The following SH3GL3 variants were observed in gnomAD, a reference collection of about 807,000 sequenced individuals.
SH3GL3 encodes the protein endophilin-A3.
In SH3GL3, 33 loss-of-function variants were observed where a neutral mutation model predicts 47.7. The observed-to-expected ratio is 0.69, with a 90% confidence interval of 0.52 to 0.92. SH3GL3 has a LOEUF of 0.92. Ranked by LOEUF, SH3GL3 falls within the 40% of genes least tolerant of loss-of-function variation. The pLI is 0.00. For missense variants in SH3GL3, 363 were observed against 417.8 expected (o/e 0.87, Z 1.14); for synonymous variants, 155 against 148.8 (o/e 1.04, Z -0.30).
chr15:83,517,703 CA>C (rs2043043555), intron 1 of SH3GL3, among the ~76,000 whole-genome samples: 1 of 151,940 alleles, frequency 6.6e-6, no homozygotes, highest in African/African-American at 2.4e-5. Flanking sequence ...GGTTTTATGT[CA>C]AAATTATTTA....
chr15:83,610,051 A>C (rs2060621879), intron 8 of SH3GL3, among the ~76,000 whole-genome samples: 1 of 152,356 alleles, frequency 6.6e-6, no homozygotes, highest in Admixed American at 6.5e-5. Context: ...TTATCCCTCA[A>C]GTGCGACAGG....
chr15:83,468,037 A>G (rs1015945024), intron 1 of SH3GL3, among the ~76,000 whole-genome samples: 4 of 152,176 alleles, frequency 2.6e-5, no homozygotes, highest in Non-Finnish European at 4.4e-5. Context: ...TCACCATGTT[A>G]GCCAGGATGG....
chr15:83,603,664 G>A (rs1162332512), intron 8 of SH3GL3, among the ~76,000 whole-genome samples: 2 of 152,134 alleles, frequency 1.3e-5, no homozygotes, highest in Non-Finnish European at 2.9e-5. Flanking sequence ...ATCTTTGCTT[G>A]TAGACTGGGC....
chr15:83,556,041 G>A (rs934141), intron 1 of SH3GL3, among the ~76,000 whole-genome samples: 12,821 of 152,174 alleles, frequency 0.084, 612 homozygotes, highest in East Asian at 0.17. Flanking sequence ...CAGAGCATAG[G>A]GAGTGCATCG....
chr15:83,582,736 T>A (rs1212448320), intron 6 of SH3GL3, among the ~76,000 whole-genome samples: 3 of 152,236 alleles, frequency 2.0e-5, no homozygotes, highest in African/African-American at 7.2e-5. Flanking sequence ...AGGCGTGAGA[T>A]ACCTGAATTC....
intron 1 of SH3GL3, among the ~76,000 whole-genome samples, chr15:83,506,124 T>G (rs2151617977): frequency 6.6e-6 from 1 of 152,302 alleles, no homozygotes; most frequent in South Asian, 2.1e-4. Flanking sequence ...GTCTTTGCCA[T>G]TATAGTTCCT....
At chr15:83,503,705 C>A (rs2042379027) in intron 1 of SH3GL3, among the ~76,000 whole-genome samples, 1 of 152,176 alleles carries the variant, frequency 6.6e-6, no homozygotes, top group Admixed American at 6.5e-5. Context: ...GTGTTCCCAA[C>A]TAGAACAATG....
At chr15:83,546,262 T>A (rs1371286252) in intron 1 of SH3GL3, among the ~76,000 whole-genome samples, 6 of 151,278 alleles carry the variant, frequency 4.0e-5, no homozygotes, top group African/African-American at 7.3e-5. Flanking sequence ...AGACCTCTTT[T>A]TTGCTCTCCT....
At chr15:83,570,843 A>G (rs2045779641) in intron 4 of SH3GL3, among the ~76,000 whole-genome samples, 1 of 152,244 alleles carries the variant, frequency 6.6e-6, no homozygotes, top group Non-Finnish European at 1.5e-5. Context: ...AATGGGGACA[A>G]GATGGCCTAT....
intron 8 of SH3GL3, among the ~76,000 whole-genome samples, chr15:83,595,686 A>G (rs543135562): frequency 1.5e-4 from 22 of 151,568 alleles, no homozygotes; most frequent in African/African-American, 3.9e-4. Flanking sequence ...ATAGAAGGCA[A>G]TTGAGGTTAT....
chr15:83,528,372 T>C (rs1173114029), intron 1 of SH3GL3, among the ~76,000 whole-genome samples: 1 of 152,204 alleles, frequency 6.6e-6, no homozygotes, highest in African/African-American at 2.4e-5. Context: ...TCAGCTGTTA[T>C]TTTGTTGAAT....
chr15:83,484,892 C>A (rs2041525564), intron 1 of SH3GL3, among the ~76,000 whole-genome samples: 1 of 152,174 alleles, frequency 6.6e-6, no homozygotes, highest in African/African-American at 2.4e-5. Context: ...TGGTTGCCTT[C>A]TGTTGCGAAC....
intron 1 of SH3GL3, among the ~76,000 whole-genome samples, chr15:83,456,550 C>G (rs1162725800): frequency 1.3e-5 from 1 of 78,810 alleles, no homozygotes; most frequent in South Asian, 5.5e-4. Flanking sequence ...GCGCAATATT[C>G]CGGTGGGAGT....
chr15:83,540,229 C>CA (rs1248118241), intron 1 of SH3GL3, among the ~76,000 whole-genome samples: 50 of 152,166 alleles, frequency 3.3e-4, no homozygotes, highest in Non-Finnish European at 6.0e-4. Flanking sequence ...CGCATATGGT[C>CA]TATTTTGGTA....
intron 1 of SH3GL3, among the ~76,000 whole-genome samples, chr15:83,514,129 G>T (rs1319664112): frequency 6.6e-6 from 1 of 152,182 alleles, no homozygotes; most frequent in Non-Finnish European, 1.5e-5. Flanking sequence ...AGTGCCTAGA[G>T]TTTGGCATAA....
intron 1 of SH3GL3, among the ~76,000 whole-genome samples, chr15:83,491,657 A>G (rs1023411841): frequency 6.6e-6 from 1 of 152,208 alleles, no homozygotes; most frequent in Non-Finnish European, 1.5e-5. Flanking sequence ...GAGTGGAAGA[A>G]TCGATGCCAT....
At chr15:83,485,198 C>T (rs2041539778) in intron 1 of SH3GL3, among the ~76,000 whole-genome samples, 1 of 152,160 alleles carries the variant, frequency 6.6e-6, no homozygotes, top group Non-Finnish European at 1.5e-5. Context: ...CTGTTTTCAA[C>T]TGAGGAAAGT....
intron 1 of SH3GL3, among the ~76,000 whole-genome samples, chr15:83,497,584 G>A (rs1596111335): frequency 1.3e-5 from 2 of 152,248 alleles, no homozygotes; most frequent in South Asian, 2.1e-4. Context: ...AATTAAGCAA[G>A]TTGGCCTCTT....
chr15:83,575,617 A>T (rs185596771), intron 5 of SH3GL3, among the ~76,000 whole-genome samples: 269 of 152,328 alleles, frequency 1.8e-3, no homozygotes, highest in Non-Finnish European at 3.1e-3. Flanking sequence ...GTAGAGGTAC[A>T]GAGGGATTAG....
Sources: allele counts gnomAD v4.1 joint callset (sites outside exome capture counted in the v4.1 genomes callset), GRCh38; gene constraint gnomAD v4.1.1; transcripts MANE v1.5; gene names NCBI Gene and HGNC (gene_info 2026-07-23, HGNC 2026-07-21).